Variants in PPP6R1 observed in about 807,000 individuals in gnomAD.
PPP6R1 encodes the protein serine/threonine-protein phosphatase 6 regulatory subunit 1.
A neutral mutation model predicts 104.6 loss-of-function variants in PPP6R1; 39 were observed. The observed-to-expected ratio is 0.37, with a 90% confidence interval of 0.29 to 0.49. PPP6R1 has a LOEUF of 0.49. PPP6R1 is among the 20% of genes least tolerant of loss of function. The pLI, the probability that PPP6R1 is intolerant of heterozygous loss-of-function variation, is 0.98. For synonymous variants in PPP6R1, 549 were observed against 479.0 expected (o/e 1.15, Z -1.91); for missense variants, 1,181 against 1,155.8 (o/e 1.02, Z -0.32).
chr19:55,258,991 G>A lies in PPP6R1; in HGVS notation c.-563C>T, dbSNP rs1443627818. ...GCCGGCCTCAGGGCCTCCGACGCCCGGCTCCCTCCGCCACTATCCCACAAT... is the reference window on the plus strand; with the variant it reads ...GCCGGCCTCAGGGCCTCCGACGCCCAGCTCCCTCCGCCACTATCCCACAAT... On this transcript the variant is annotated 5_prime_UTR_variant, in exon 1 of 24. Coordinates refer to ENST00000412770, the MANE Select transcript of PPP6R1 (RefSeq NM_014931.4). The A allele has an allele frequency of 1.3e-5, 2 of 152,148 alleles. No homozygotes were observed. The highest frequency in any genetic ancestry group is 2.9e-5 in the Non-Finnish European group (2 of 68,040). 9.4% of individuals were successfully genotyped at this position (152,148 alleles called of 1,614,324 possible).
rs2087457700 is a variant in PPP6R1, at chr19:55,241,542, C to T, written c.943G>A (p.Gly315Ser). The T allele has an allele frequency of 6.3e-7, 1 of 1,579,648 alleles. No homozygotes were observed. The highest frequency in any genetic ancestry group is 1.4e-5 in the African/African-American group (1 of 74,056). ...GALESTVSSV[G>S]ALHALRPRLS... Reference sequence around the variant, plus strand: ...CGCGGGCGTAGGGCGTGCAAGGCGCCCACACTGGACACAGTGCTTTCCAGG... The same window carrying T: ...CGCGGGCGTAGGGCGTGCAAGGCGCTCACACTGGACACAGTGCTTTCCAGG... The change falls in exon 8 of 24, where the codon GGC becomes AGC. Residue 315 changes from glycine to serine, a missense_variant. Around this residue, in one of 2 missense-constraint regions of PPP6R1, gnomAD observed 1,042 missense variants for 955.6 expected, o/e 1.09. Transcript: ENST00000412770. This position sits in a 1 kb window ranked among gnomAD's most constrained non-coding sequence, Gnocchi z 5.4.
At chr19:55,230,557 G>A (rs759655368) in intron 23 of PPP6R1, 26 bp from the exon 24 acceptor site, 1 of 1,613,604 alleles carries the variant, frequency 6.2e-7, no homozygotes, top group Non-Finnish European at 8.5e-7. Flanking sequence ...GATGTCGTGT[G>A]AGGGTCTAGC....
intron 1 of PPP6R1, among the ~76,000 whole-genome samples, chr19:55,253,135 A>G (rs756452283): frequency 3.9e-5 from 6 of 152,328 alleles, no homozygotes; most frequent in East Asian, 1.9e-4. Flanking sequence ...GAGCAGCACC[A>G]AGCCAGCATC....
intron 1 of PPP6R1, among the ~76,000 whole-genome samples, chr19:55,250,895 G>A (rs944830864): frequency 5.3e-5 from 8 of 152,172 alleles, no homozygotes; most frequent in African/African-American, 1.4e-4. Context: ...AGAGCTTGCT[G>A]AAGGGAAAAT....
At chr19:55,228,651 C>A, downstream of PPP6R1, 1 of 1,596,840 alleles carries the variant, frequency 6.3e-7, no homozygotes, top group Non-Finnish European at 8.6e-7. Context: ...TTCCAGGGCC[C>A]TGTCCCCCCA....
chr19:55,238,192 G>C (rs2087416082), intron 15 of PPP6R1, among the ~76,000 whole-genome samples: 1 of 151,750 alleles, frequency 6.6e-6, no homozygotes, highest in Non-Finnish European at 1.5e-5. Flanking sequence ...GAGCCACTGT[G>C]TCCAGCCCAG....
At chr19:55,253,686 G>A (rs997416345) in intron 1 of PPP6R1, among the ~76,000 whole-genome samples, 4 of 152,200 alleles carry the variant, frequency 2.6e-5, no homozygotes, top group African/African-American at 9.7e-5. Flanking sequence ...ACAGAATGAA[G>A]ATGCAAATAT....
At chr19:55,240,635 TCACA>T (rs1037693639) in intron 10 of PPP6R1, among the ~76,000 whole-genome samples, 2 of 136,492 alleles carry the variant, frequency 1.5e-5, no homozygotes, top group South Asian at 2.4e-4. Context: ...ATACATGCTC[TCACA>T]CACGCTTGCA....
intron 5 of PPP6R1, 32 bp from the exon 6 acceptor site, chr19:55,242,520 G>A: frequency 1.3e-6 from 2 of 1,584,578 alleles, no homozygotes; most frequent in Non-Finnish European, 1.7e-6. Flanking sequence ...GAGGATCCTG[G>A]TCGGGCCACC....
intron 5 of PPP6R1, among the ~76,000 whole-genome samples, chr19:55,243,356 T>C (rs2087476745): frequency 7.3e-6 from 1 of 137,244 alleles, no homozygotes; most frequent in Non-Finnish European, 1.5e-5. Context: ...GAGGCTGCAG[T>C]GAGCCGAGAT....
rs1172586512 is a variant in PPP6R1 at position 55,245,498 on chromosome 19, T to G, written c.408A>C (p.Thr136=). The G allele has an allele frequency of 1.2e-6, 2 of 1,609,592 alleles. No homozygotes were observed. Among genetic ancestry groups the G allele is most frequent in the Non-Finnish European group, 1.7e-6 (2 of 1,178,084 alleles). Residue 136 remains threonine, a synonymous_variant, in exon 3 of 24, where the codon ACA becomes ACC. Coordinates refer to ENST00000412770, the MANE Select transcript of PPP6R1 (RefSeq NM_014931.4). This position sits in a 1 kb window ranked among gnomAD's most constrained non-coding sequence, Gnocchi z 6.4. The part of the protein sequence containing the change: ...KVMGILINRK[T]DQLVSFLRKK... ...AGGGTGGGGGCCAGGGCACCTGGTCTGTCTTGCGGTTGATGAGGATGCCCA... is the reference window on the plus strand; with the variant it reads ...AGGGTGGGGGCCAGGGCACCTGGTCGGTCTTGCGGTTGATGAGGATGCCCA...
rs574908772 is a variant in PPP6R1, at chr19:55,247,373, C to T, written c.-6-264G>A. ...CCCTCTTCCCCCATCTCCAGCCTCC[C>T]GGCCGCCTCGCCTGAGGTCCAGGGG... On this transcript the variant is annotated intron_variant, in intron 1 of 23. Transcript: ENST00000412770. The T allele has an allele frequency of 1.1e-3, 562 of 503,628 alleles. 8 individuals are homozygous for T. In the South Asian group the frequency reaches 0.012, roughly 11 times the overall value. The allele number at this position is 503,628 out of a possible 1,614,324, so 31.2% of individuals were successfully genotyped here.
At chr19:55,252,545 G>A (rs112841061) in intron 1 of PPP6R1, among the ~76,000 whole-genome samples, 318 of 152,116 alleles carry the variant, frequency 2.1e-3, no homozygotes, top group African/African-American at 7.3e-3. Context: ...ACAGGAGTGC[G>A]CCACCACACC....
chr19:55,247,069 T>G lies in PPP6R1; in HGVS notation c.35A>C (p.His12Pro), dbSNP rs765173608. Reference protein sequence around the residue: ...FWKFDLHTSSHLDTLLEREDL... With the variant: ...FWKFDLHTSSPLDTLLEREDL... ...CTCCCGCTCCAGCAGCGTGTCCAGG[T>G]GCGAGCTTGTGTGCAGGTCAAACTT... The change falls in exon 2 of 24, where the codon CAC becomes CCC. Residue 12 changes from histidine to proline, a missense_variant. His to Pro is a moderately conservative substitution (Grantham distance 77). Around this residue, in one of 2 missense-constraint regions of PPP6R1, gnomAD observed 139 missense variants for 200.1 expected, o/e 0.69. Coordinates refer to ENST00000412770, the MANE Select transcript of PPP6R1 (RefSeq NM_014931.4). The G allele has an allele frequency of 1.5e-5, 25 of 1,613,654 alleles. No homozygotes were observed. The East Asian group carries it at 5.3e-4, about 35-fold the overall frequency.
At chr19:55,247,353 T>G in intron 1 of PPP6R1, 2 of 532,604 alleles carry the variant, frequency 3.8e-6, no homozygotes, top group Non-Finnish European at 6.8e-6. Context: ...CCTGCCCCTC[T>G]TCCCCCATCT....
chr19:55,237,794 C>T (rs556119386), intron 15 of PPP6R1, among the ~76,000 whole-genome samples: 5 of 152,334 alleles, frequency 3.3e-5, no homozygotes, highest in Non-Finnish European at 5.9e-5. Flanking sequence ...CCCATGTCCC[C>T]GTGGCACTGG....
downstream of PPP6R1, chr19:55,228,891 G>A: frequency 1.3e-6 from 1 of 798,528 alleles, no homozygotes; most frequent in South Asian, 1.7e-5. Flanking sequence ...TCCTCACCCT[G>A]GGGATGGCCC....
intron 17 of PPP6R1, 118 bp from the exon 18 acceptor site, chr19:55,232,329 C>A (rs1417706815): frequency 7.0e-7 from 1 of 1,424,670 alleles, no homozygotes; most frequent in African/African-American, 1.4e-5. Flanking sequence ...AGGCAGGTCA[C>A]AGAAGGGTCC....
At chr19:55,231,548 C>A in intron 20 of PPP6R1, 50 bp downstream of exon 20, 1 of 1,599,004 alleles carries the variant, frequency 6.3e-7, no homozygotes, top group Non-Finnish European at 8.5e-7. Flanking sequence ...GCTGGCCAGG[C>A]TGCTCTCTCT....
Sources: gnomAD v4.1 joint callset for allele counts (sites outside exome capture counted in the v4.1 genomes callset) on GRCh38, gnomAD v4.1.1 for gene constraint, gnomAD v4.1.1 regional missense constraint, Gnocchi (gnomAD v3.1) non-coding constraint, MANE v1.5 for transcripts, NCBI Gene and HGNC (gene_info 2026-07-23, HGNC 2026-07-21) for gene names.